AK9: variants seen among roughly 807,000 people sequenced by gnomAD.
AK9 encodes adenylate kinase 9, also known as adenylate kinase domain containing 1.
Under a neutral mutation model 239.6 loss-of-function variants are expected in AK9, and 191 were observed. The observed-to-expected ratio is 0.80, with a 90% CI of 0.71 to 0.90. AK9 has a LOEUF of 0.90. Ranked by LOEUF, AK9 falls within the 40% of genes least tolerant of loss-of-function variation. The pLI, the probability that AK9 is intolerant of heterozygous loss-of-function variation, is 0.00. For missense variants in AK9, 1,995 were observed against 2,214.7 expected (o/e 0.90, Z 1.99); for synonymous variants, 689 against 721.0 (o/e 0.96, Z 0.71).
intron 21 of AK9, among the ~76,000 whole-genome samples, chr6:109,567,885 A>T (rs1294757757): frequency 7.1e-6 from 1 of 139,990 alleles, no homozygotes; most frequent in Admixed American, 7.5e-5. Context: ...AGTAAAATAA[A>T]AAAAAAAAAA....
intron 17 of AK9, among the ~76,000 whole-genome samples, chr6:109,588,560 T>C (rs1789825303): frequency 6.6e-6 from 1 of 152,226 alleles, no homozygotes; most frequent in Non-Finnish European, 1.5e-5. Flanking sequence ...GTTTACTCTG[T>C]TGATTATTTC....
intron 28 of AK9, among the ~76,000 whole-genome samples, chr6:109,531,041 C>CAAAAGAAAAG (rs528231327): frequency 4.2e-5 from 6 of 144,410 alleles, no homozygotes; most frequent in East Asian, 2.4e-4. Context: ...GACTCCGTCT[C>CAAAAGAAAAG]AAAAGAAAAG....
intron 24 of AK9, among the ~76,000 whole-genome samples, chr6:109,554,525 CTTTTTTTTT>C (rs3060760): frequency 7.7e-4 from 60 of 77,446 alleles, no homozygotes; most frequent in African/African-American, 2.1e-3. Flanking sequence ...TATTTCTTTT[CTTTTTTTTT>C]TTTTTTTTTT....
At chr6:109,534,418 C>A (rs1781697362) in intron 27 of AK9, among the ~76,000 whole-genome samples, 2 of 149,710 alleles carry the variant, frequency 1.3e-5, no homozygotes, top group Admixed American at 1.3e-4. Flanking sequence ...TTTGTTTCTC[C>A]TGCTTATCTG....
chr6:109,654,476 T>C (rs1238180546), intron 8 of AK9, among the ~76,000 whole-genome samples: 1 of 151,990 alleles, frequency 6.6e-6, no homozygotes, highest in East Asian at 1.9e-4. Context: ...GGATTACAGG[T>C]GTGCACCACC....
chr6:109,566,872 T>G (rs139033530), intron 21 of AK9, among the ~76,000 whole-genome samples: 1 of 152,300 alleles, frequency 6.6e-6, no homozygotes, highest in African/African-American at 2.4e-5. Flanking sequence ...AGATGTTCTT[T>G]GAAACCAATG....
chr6:109,522,268 AT>A (rs1779949083), intron 29 of AK9, among the ~76,000 whole-genome samples: 1 of 151,910 alleles, frequency 6.6e-6, no homozygotes, highest in African/African-American at 2.4e-5. Context: ...ATTTCTTTTT[AT>A]TTATTCTGCT....
intron 17 of AK9, among the ~76,000 whole-genome samples, chr6:109,587,373 G>C (rs1400378658): frequency 6.6e-6 from 1 of 152,036 alleles, no homozygotes; most frequent in East Asian, 1.9e-4. Context: ...TTATTTATTT[G>C]TTGTGTATAT....
chr6:109,508,755 A>G (rs900487903), intron 33 of AK9, among the ~76,000 whole-genome samples: 1 of 152,182 alleles, frequency 6.6e-6, no homozygotes, highest in Non-Finnish European at 1.5e-5. Context: ...TGTGGTGTTA[A>G]GGGAGAGGCA....
chr6:109,600,356 T>C (rs1303688330), intron 17 of AK9, among the ~76,000 whole-genome samples: 1 of 152,216 alleles, frequency 6.6e-6, no homozygotes, highest in African/African-American at 2.4e-5. Context: ...TTGTCTTTGG[T>C]TCTGTTTATA....
chr6:109,648,588 C>T (rs4947002), intron 8 of AK9, among the ~76,000 whole-genome samples: 3 of 151,994 alleles, frequency 2.0e-5, no homozygotes, highest in Non-Finnish European at 2.9e-5. Flanking sequence ...CTGAAATTGA[C>T]GCAATAATCA....
At chr6:109,651,376 C>T (rs1218330701) in intron 8 of AK9, among the ~76,000 whole-genome samples, 1 of 152,010 alleles carries the variant, frequency 6.6e-6, no homozygotes, top group Non-Finnish European at 1.5e-5. Context: ...CCAATGAGAA[C>T]AAAGACACAA....
intron 19 of AK9, 139 bp downstream of exon 19, chr6:109,584,984 T>C (rs988899815): frequency 1.9e-5 from 13 of 681,848 alleles, no homozygotes; most frequent in Non-Finnish European, 2.2e-5. Flanking sequence ...GCTGCTTTTC[T>C]TAAAATTAAC....
intron 28 of AK9, 135 bp downstream of exon 28, chr6:109,533,116 A>G (rs968225714): frequency 2.3e-5 from 15 of 661,834 alleles, no homozygotes; most frequent in African/African-American, 2.2e-4. Context: ...TAGTCTTAAT[A>G]TTCGATGAAA....
At chr6:109,617,064 C>T (rs1472577929) in intron 13 of AK9, among the ~76,000 whole-genome samples, 2 of 151,930 alleles carry the variant, frequency 1.3e-5, no homozygotes, top group Non-Finnish European at 2.9e-5. Context: ...AATAAAATGA[C>T]AAAATATCTG....
intron 24 of AK9, among the ~76,000 whole-genome samples, chr6:109,555,129 G>A (rs1452134138): frequency 2.0e-5 from 3 of 152,080 alleles, no homozygotes. Context: ...GATCTTTCTA[G>A]CTTTCTGATG....
At chr6:109,516,708 A>C in intron 29 of AK9, 66 bp from the exon 30 acceptor site, 3 of 1,325,748 alleles carry the variant, frequency 2.3e-6, no homozygotes, top group Non-Finnish European at 3.1e-6. Context: ...CTATTAACAA[A>C]TCATCTGGAA....
At chr6:109,528,005 C>T (rs1343140857) in intron 29 of AK9, 1 of 152,726 alleles carries the variant, frequency 6.5e-6, no homozygotes. Flanking sequence ...GGCTAAGTGA[C>T]TTACTCAATG....
intron 1 of AK9, among the ~76,000 whole-genome samples, chr6:109,680,046 C>G (rs1772385043): frequency 6.6e-6 from 1 of 152,296 alleles, no homozygotes. Flanking sequence ...TGCCTCTTCT[C>G]CTCCACAGGA....
Sources: allele counts gnomAD v4.1 joint callset (sites outside exome capture counted in the v4.1 genomes callset), GRCh38; gene constraint gnomAD v4.1.1; transcripts MANE v1.5; gene names NCBI Gene and HGNC (gene_info 2026-07-23, HGNC 2026-07-21).